Variants in KIF27 observed in about 807,000 individuals in gnomAD.
KIF27 encodes kinesin-like protein KIF27.
KIF27 carries 84 observed loss-of-function variants against 141.8 expected under a neutral mutation model. That is an observed-to-expected ratio of 0.59 (90% CI 0.50 to 0.71). The LOEUF is 0.71. KIF27 is among the 30% of genes least tolerant of loss of function. The pLI, the probability that KIF27 is intolerant of heterozygous loss-of-function variation, is 0.00. For synonymous variants in KIF27, 471 were observed against 569.5 expected (o/e 0.83, Z 2.46); for missense variants, 1,306 against 1,628.4 (o/e 0.80, Z 3.41).
intron 13 of KIF27, among the ~76,000 whole-genome samples, chr9:83,861,114 G>A (rs991703165): frequency 2.6e-5 from 4 of 151,798 alleles, no homozygotes; most frequent in African/African-American, 9.7e-5. Context: ...CTCAGTCAGT[G>A]TATCCAAACC....
Position 83,870,221 on chromosome 9 carries a change from C to A in KIF27, c.2757+298G>T, listed in dbSNP as rs1303104075. Among the ~76,000 whole-genome samples the A allele has an allele frequency of 5.3e-5, 8 of 152,098 alleles. No individual in the cohort carries two copies. The East Asian group carries it at 1.5e-3, about 29-fold the overall frequency. On this transcript the variant is annotated intron_variant, in intron 12 of 17. Coordinates refer to ENST00000297814, the MANE Select transcript of KIF27 (RefSeq NM_017576.4). ...TGCTCTTGTTGCCCAGTCTGGAGTG[C>A]AGTGGCATGGTCTCGGCTCACTGCA...
At chr9:83,848,210 T>TATATCTGATATATATG (rs1564285952) in intron 16 of KIF27, among the ~76,000 whole-genome samples, 1 of 50,854 alleles carries the variant, frequency 2.0e-5, no homozygotes, top group Non-Finnish European at 3.7e-5. Context: ...TCAGATATGA[T>TATATCTGATATATATG]ATATATGATA....
rs540091729 is a variant in KIF27, at chr9:83,836,273, G to A, written c.*728C>T. Among the ~76,000 whole-genome samples, 12 of 152,006 alleles carry A rather than the reference G, an allele frequency of 7.9e-5. No homozygotes were observed. The highest frequency in any genetic ancestry group is 1.3e-4 in the Non-Finnish European group (9 of 67,966). ...GCTTTAGTTTTATTCTATAATTTCC[G>A]TGTTCCATGGAACAGCATTCATTTC... On this transcript the variant is annotated 3_prime_UTR_variant, in exon 18 of 18. Transcript: ENST00000297814.
intron 6 of KIF27, among the ~76,000 whole-genome samples, chr9:83,889,882 C>T (rs866720723): frequency 6.6e-5 from 10 of 152,260 alleles, no homozygotes; most frequent in South Asian, 2.1e-4. Context: ...GTACAACATT[C>T]TTCTATTGGA....
chr9:83,893,933 G>C (rs1952923610), intron 5 of KIF27, among the ~76,000 whole-genome samples: 1 of 151,972 alleles, frequency 6.6e-6, no homozygotes, highest in East Asian at 1.9e-4. Flanking sequence ...TGAAAAAGGG[G>C]ACATGTGACT....
At chr9:83,889,325 T>G (rs1952446625) in intron 6 of KIF27, 72 bp from the exon 7 acceptor site, 1 of 1,375,404 alleles carries the variant, frequency 7.3e-7, no homozygotes, top group African/African-American at 1.4e-5. Context: ...CCTATTACTC[T>G]AAGTGCTTTT....
At chr9:83,874,569 T>G (rs1390188738) in intron 11 of KIF27, among the ~76,000 whole-genome samples, 5 of 152,192 alleles carry the variant, frequency 3.3e-5, no homozygotes, top group Admixed American at 6.5e-5. Flanking sequence ...TGTTCCTTTT[T>G]CTGGAATACC....
chr9:83,885,696 A>C (rs971008206), intron 9 of KIF27, among the ~76,000 whole-genome samples: 2 of 152,046 alleles, frequency 1.3e-5, no homozygotes, highest in African/African-American at 4.8e-5. Flanking sequence ...CAGTGGTGCA[A>C]TCATGACTCA....
chr9:83,907,844 A>G (rs1245464780), intron 3 of KIF27, among the ~76,000 whole-genome samples: 1 of 152,240 alleles, frequency 6.6e-6, no homozygotes, highest in Non-Finnish European at 1.5e-5. Flanking sequence ...AATTTAGCCT[A>G]TATCACAGTC....
At chr9:83,890,048 T>A (rs1342716582) in intron 6 of KIF27, among the ~76,000 whole-genome samples, 1 of 152,194 alleles carries the variant, frequency 6.6e-6, no homozygotes, top group Non-Finnish European at 1.5e-5. Flanking sequence ...CAAAAGGCAA[T>A]AAAATCTTAG....
At chr9:83,841,384 T>C (rs1946546750) in intron 17 of KIF27, among the ~76,000 whole-genome samples, 1 of 152,208 alleles carries the variant, frequency 6.6e-6, no homozygotes, top group African/African-American at 2.4e-5. Context: ...TCTACTTCTA[T>C]TACATTTTCA....
chr9:83,878,024 C>T (rs372638247), intron 11 of KIF27, among the ~76,000 whole-genome samples: 17 of 151,546 alleles, frequency 1.1e-4, no homozygotes, highest in Admixed American at 5.9e-4. Context: ...ATTAGCCGGG[C>T]GTGGTGGCGG....
chr9:83,899,054 G>A (rs1188680427), intron 5 of KIF27: 1 of 152,216 alleles, frequency 6.6e-6, no homozygotes, highest in African/African-American at 2.4e-5. Context: ...AAAATCTGAT[G>A]TGTGCTGGAT....
At chr9:83,865,823 G>T (rs1950311205) in intron 13 of KIF27, among the ~76,000 whole-genome samples, 1 of 152,070 alleles carries the variant, frequency 6.6e-6, no homozygotes. Context: ...TCAGAGTCAG[G>T]TATCGAAAAG....
chr9:83,887,158 T>C lies in KIF27; in HGVS notation c.2122A>G (p.Asn708Asp), dbSNP rs554432970. 1.3e-6 allele frequency: 2 copies of C among 1,586,392 alleles called. No homozygotes were observed. The highest frequency in any genetic ancestry group is 2.3e-5 in the East Asian group (1 of 44,104). ...IDCLQESQEL[N>D]LQKLKNSERI... ...TCTGAATTCTTTAATTTTTGCAAAT[T>C]CAATTCTTGACTCTCCTGGAGACAA... The change falls in exon 9 of 18, where the codon AAT becomes GAT. Residue 708 changes from asparagine (N) to aspartate (D), a missense_variant. This residue lies in a region of KIF27 where 596 missense variants were observed against 751.6 expected (regional missense o/e 0.79). Transcript: ENST00000297814.
At chr9:83,921,104 C>T (rs1443711855) in intron 1 of KIF27, among the ~76,000 whole-genome samples, 1 of 152,060 alleles carries the variant, frequency 6.6e-6, no homozygotes, top group African/African-American at 2.4e-5. Flanking sequence ...CAACTTCCTC[C>T]GGAAGGGGCG....
chr9:83,871,922 G>A (rs1485276340), intron 11 of KIF27, among the ~76,000 whole-genome samples: 1 of 150,654 alleles, frequency 6.6e-6, no homozygotes, highest in Non-Finnish European at 1.5e-5. Flanking sequence ...GGCTGGTCTC[G>A]AACTCCTGAC....
rs1200787649 is a variant in KIF27, at chr9:83,837,274, G to A, written c.3933C>T (p.Pro1311=). Residue 1311 remains proline (P), a synonymous_variant, in exon 18 of 18, where the codon CCC becomes CCT. Transcript: ENST00000297814. ...CATTACCTAACATATGCCCACTGGG[G>A]GGTGCTAAAGAACTATGAATTGGAG... ...ELPPIHSSLA[P]PSGHMLGNEN... 5 of 1,607,438 alleles carry A rather than the reference G, an allele frequency of 3.1e-6. No individual in the cohort carries two copies. The highest frequency in any genetic ancestry group is 3.4e-6 in the Non-Finnish European group (4 of 1,175,806).
At position 83,903,863 on chromosome 9, in the gene KIF27, G is replaced by A; in HGVS notation, c.655C>T (p.His219Tyr). 6.2e-7 allele frequency: 1 copy of A among 1,614,120 alleles called. No homozygotes were observed. The highest frequency in any genetic ancestry group is 2.2e-5 in the East Asian group (1 of 44,882). Residue 219 changes from histidine to tyrosine, a missense_variant, in exon 4 of 18, where the codon CAT becomes TAT. This residue lies in a region of KIF27 where 533 missense variants were observed against 565.6 expected (regional missense o/e 0.94). Coordinates refer to ENST00000297814, the MANE Select transcript of KIF27 (RefSeq NM_017576.4). Reference protein sequence around the residue: ...AIFTISICQVHKNMEAAEDGS... With the variant: ...AIFTISICQVYKNMEAAEDGS... ...TCTTCAGCTGCCTCCATATTTTTAT[G>A]AACTTGACAAATGCTGATTGTAAAA...
Sources: gnomAD v4.1 joint callset for allele counts (sites outside exome capture counted in the v4.1 genomes callset) on GRCh38, gnomAD v4.1.1 for gene constraint, gnomAD v4.1.1 regional missense constraint, MANE v1.5 for transcripts, NCBI Gene and HGNC (gene_info 2026-07-23, HGNC 2026-07-21) for gene names.